KAZN: variants seen among roughly 807,000 people sequenced by gnomAD.
KAZN encodes the protein kazrin.
KAZN carries 40 observed loss-of-function variants against 87.4 expected under a neutral mutation model. That is an observed-to-expected ratio of 0.46 (90% CI 0.36 to 0.60). The LOEUF is 0.60. Ranked by LOEUF, KAZN falls within the 20% of genes least tolerant of loss-of-function variation. The pLI is 0.00. For synonymous variants in KAZN, 466 were observed against 458.3 expected, an observed-to-expected ratio of 1.02 and a Z score of -0.22; for missense variants, 898 against 1,073.9, an observed-to-expected ratio of 0.84 and a Z score of 2.29.
At chr1:13,893,883 A>G (rs533441867) in intron 1 of KAZN, 2 of 1,159,588 alleles carry the variant, frequency 1.7e-6, no homozygotes, top group South Asian at 3.3e-5. Flanking sequence ...TCTTGATATA[A>G]TGTGGGATGT....
chr1:15,070,689 A>C (rs1223681796), intron 8 of KAZN, among the ~76,000 whole-genome samples: 1 of 152,150 alleles, frequency 6.6e-6, no homozygotes, highest in Non-Finnish European at 1.5e-5. Context: ...TCTGGGCCAA[A>C]AGTTAGCCAA....
chr1:14,478,155 A>G (rs1295435417), intron 2 of KAZN, among the ~76,000 whole-genome samples: 1 of 152,088 alleles, frequency 6.6e-6, no homozygotes, highest in African/African-American at 2.4e-5. Context: ...TCAGGACAAG[A>G]AAAATCCCTA....
chr1:14,774,901 T>C (rs1265563051), intron 1 of KAZN, among the ~76,000 whole-genome samples: 1 of 152,216 alleles, frequency 6.6e-6, no homozygotes, highest in Admixed American at 6.5e-5. Context: ...CCATTGTCCC[T>C]TCTCCTTCGT....
rs758367495 is a variant in KAZN, at chr1:14,834,503, A to G, written c.227-126181A>G. ...CAGCCTCCCAAGTAGCTGGGACTACAGGTGCCCACCACCACGCCCAGCTGA... is the reference window on the plus strand; with the variant it reads ...CAGCCTCCCAAGTAGCTGGGACTACGGGTGCCCACCACCACGCCCAGCTGA... On this transcript the variant is annotated intron_variant, in intron 1 of 14. Coordinates refer to ENST00000376030, the MANE Select transcript of KAZN (RefSeq NM_201628.3). Among the ~76,000 whole-genome samples the G allele has an allele frequency of 1.0e-3, 158 of 151,836 alleles. 2 individuals are homozygous for G. The highest frequency in any genetic ancestry group is 1.6e-3 in the East Asian group (8 of 5,144).
intron 1 of KAZN, among the ~76,000 whole-genome samples, chr1:14,087,714 C>T (rs542710148): frequency 2.6e-5 from 4 of 151,918 alleles, no homozygotes; most frequent in East Asian, 3.9e-4. Context: ...GAGAGTCAGA[C>T]GGTTTTTCTG....
rs1256672028 is a variant in KAZN, at chr1:15,021,797, T to C, written c.419-12952T>C. 6.6e-6 allele frequency among the ~76,000 whole-genome samples: 1 copy of C among 152,148 alleles called. No homozygotes were observed. The highest frequency in any genetic ancestry group is 2.4e-5 in the African/African-American group (1 of 41,440). On this transcript the variant is annotated intron_variant, in intron 2 of 14. Transcript: ENST00000376030. The surrounding 1 kb of genome is among the most constrained non-coding windows in gnomAD (Gnocchi z 4.2). ...CTAGCTGTTTCCAGCCCTTTCTCAT[T>C]GGAAGCCCTGGCTCCTGGCATCTGT...
intron 12 of KAZN, 40 bp downstream of exon 12, chr1:15,103,500 A>G: frequency 1.5e-6 from 2 of 1,303,874 alleles, no homozygotes; most frequent in Non-Finnish European, 2.2e-6. Context: ...TCTCGGGCAT[A>G]CACAAACCCC....
chr1:14,822,854 G>T (rs1301447207), intron 1 of KAZN, among the ~76,000 whole-genome samples: 3 of 152,132 alleles, frequency 2.0e-5, no homozygotes, highest in Non-Finnish European at 4.4e-5. Flanking sequence ...CCTAGAGAGG[G>T]CTGCTTTTCC....
intron 1 of KAZN, among the ~76,000 whole-genome samples, chr1:14,729,950 G>T (rs556163827): frequency 5.2e-4 from 79 of 152,242 alleles, no homozygotes; most frequent in Non-Finnish European, 7.5e-4. Context: ...TGGAACACAG[G>T]CACGCCCATT....
chr1:14,499,088 C>A (rs571255960), intron 2 of KAZN, among the ~76,000 whole-genome samples: 1 of 152,088 alleles, frequency 6.6e-6, no homozygotes, highest in Non-Finnish European at 1.5e-5. Flanking sequence ...CAAGCAGAAT[C>A]CCCAGCAAAT....
chr1:15,001,870 C>CTT lies in KAZN; in HGVS notation c.419-32851_419-32850dup, dbSNP rs34948148. On this transcript the variant is annotated intron_variant, in intron 2 of 14. Coordinates refer to ENST00000376030, the MANE Select transcript of KAZN (RefSeq NM_201628.3). Reference sequence around the variant, plus strand: ...CCTCTTGGCCCCACAAAGTCAAAATCTTTTTTTTTTTTTTTTTTTTTTTTT... The same window carrying CTT: ...CCTCTTGGCCCCACAAAGTCAAAATCTTTTTTTTTTTTTTTTTTTTTTTTTTT... Among the ~76,000 whole-genome samples the CTT allele has an allele frequency of 1.7e-3, 98 of 57,768 alleles. 1 individual carries two copies. Among genetic ancestry groups the CTT allele is most frequent in the East Asian group, 7.8e-3 (15 of 1,914 alleles). The allele number at this position is 57,768 out of a possible 152,430, so 37.9% of individuals were successfully genotyped here. A position where few individuals can be genotyped will look rare whatever the true frequency, so the allele number is the denominator to read the frequency against.
chr1:13,932,589 C>T (rs1640569469), intron 1 of KAZN, among the ~76,000 whole-genome samples: 1 of 152,180 alleles, frequency 6.6e-6, no homozygotes, highest in Non-Finnish European at 1.5e-5. Flanking sequence ...CAGGAATTCT[C>T]ATAACATCAC....
At chr1:15,092,510 C>T (rs1640601109) in intron 8 of KAZN, among the ~76,000 whole-genome samples, 1 of 151,418 alleles carries the variant, frequency 6.6e-6, no homozygotes, top group East Asian at 2.0e-4. Flanking sequence ...CTCAGTCTGT[C>T]ACCCAGGCTG....
At chr1:14,253,978 T>A (rs989113901) in intron 2 of KAZN, among the ~76,000 whole-genome samples, 7 of 146,444 alleles carry the variant, frequency 4.8e-5, no homozygotes, top group African/African-American at 7.4e-5. Context: ...TGGGGGTGCA[T>A]GCATTTTTGG....
chr1:14,857,073 C>T lies in KAZN; in HGVS notation c.227-103611C>T, dbSNP rs892627030. 5.9e-5 allele frequency among the ~76,000 whole-genome samples: 9 copies of T among 152,312 alleles called. No individual in the cohort carries two copies. The East Asian group carries it at 1.7e-3, about 29-fold the overall frequency. On this transcript the variant is annotated intron_variant, in intron 1 of 14. Coordinates refer to ENST00000376030, the MANE Select transcript of KAZN (RefSeq NM_201628.3). ...GCCAACCACGCGTGAAGGTGGAGAG[C>T]ACAGGAATCCTTTGGACTCGGCGTC... is the stretch of plus-strand genomic sequence containing the variant.
chr1:14,081,312 T>A lies in KAZN; in HGVS notation c.92-99123T>A, dbSNP rs572636724. On this transcript the variant is annotated intron_variant, in intron 1 of 16. Transcript: ENST00000636203. ...GAAGATGGCCGTGAACTGCAGTACA[T>A]TATCTGTGATATGACCACTCGGTAC... 4.6e-5 allele frequency among the ~76,000 whole-genome samples: 7 copies of A among 152,216 alleles called. No individual in the cohort carries two copies. In the South Asian group the frequency reaches 1.5e-3, roughly 32 times the overall value.
Position 14,478,244 on chromosome 1 carries a change from GGAAAA to G in KAZN, c.250-120735_250-120731del, listed in dbSNP as rs765663361. Among the ~76,000 whole-genome samples, 385 of 108,192 alleles carry G rather than the reference GGAAAA, an allele frequency of 3.6e-3. 2 individuals are homozygous for G. Among genetic ancestry groups the G allele is most frequent in the African/African-American group, 0.013 (368 of 27,724 alleles). The allele number at this position is 108,192 out of a possible 152,430, so 71.0% of individuals were successfully genotyped here. ...TGGATAGAAGGAAGGAAGGAAGGAAGGAAAAGAAGGAAGGAAGGAAGGAAGGAAGA... is the reference window on the plus strand; with the variant it reads ...TGGATAGAAGGAAGGAAGGAAGGAAGGAAGGAAGGAAGGAAGGAAGGAAGA... On this transcript the variant is annotated intron_variant, in intron 2 of 16. Transcript: ENST00000636203.
At chr1:14,018,664 GC>G (rs1640682266) in intron 1 of KAZN, among the ~76,000 whole-genome samples, 1 of 152,082 alleles carries the variant, frequency 6.6e-6, no homozygotes, top group Non-Finnish European at 1.5e-5. Context: ...TCTACTGGGG[GC>G]CTGGATAGAA....
chr1:14,214,455 C>T (rs1388050250), intron 2 of KAZN, among the ~76,000 whole-genome samples: 2 of 152,122 alleles, frequency 1.3e-5, no homozygotes, highest in African/African-American at 4.8e-5. Flanking sequence ...AGATAACCCC[C>T]AACTCAGCTT....
Sources: gnomAD v4.1 joint callset for allele counts (sites outside exome capture counted in the v4.1 genomes callset) on GRCh38, gnomAD v4.1.1 for gene constraint, Gnocchi (gnomAD v3.1) non-coding constraint, MANE v1.5 for transcripts, NCBI Gene and HGNC (gene_info 2026-07-23, HGNC 2026-07-21) for gene names.